Variants in HOPX observed in about 807,000 individuals in gnomAD.
The protein encoded by HOPX is HOP homeobox, also known as homeodomain-only protein.
A neutral mutation model predicts 11.8 loss-of-function variants in HOPX; 5 were observed. The observed-to-expected ratio is 0.43, with a 90% confidence interval of 0.22 to 0.89. The LOEUF (loss-of-function observed/expected upper bound fraction) is 0.89, where lower values mean the gene tolerates loss of function less well. HOPX is among the 40% of genes least tolerant of loss of function. The pLI is 0.28. For missense variants in HOPX, 119 were observed against 120.0 expected (o/e 0.99, Z 0.04); for synonymous variants, 49 against 49.7 (o/e 0.99, Z 0.06).
At chr4:56,655,609 T>C (rs1717617856) in intron 3 of HOPX, among the ~76,000 whole-genome samples, 1 of 151,874 alleles carries the variant, frequency 6.6e-6, no homozygotes, top group African/African-American at 2.4e-5. Flanking sequence ...GAGGGGTTTC[T>C]GCGCAGCTCC....
At chr4:56,656,426 C>A (rs562381025) in intron 2 of HOPX, 82 of 990,624 alleles carry the variant, frequency 8.3e-5, no homozygotes, top group Middle Eastern at 1.0e-3. Context: ...AAAGGGGGAC[C>A]TCCCCTGGGG....
At chr4:56,668,133 C>A (rs893507083) in intron 1 of HOPX, among the ~76,000 whole-genome samples, 1 of 152,186 alleles carries the variant, frequency 6.6e-6, no homozygotes, top group South Asian at 2.1e-4. Context: ...CCATGTTGGC[C>A]AGACTGGTCT....
intron 1 of HOPX, chr4:56,663,607 T>C (rs1260850155): frequency 6.6e-6 from 1 of 152,174 alleles, no homozygotes; most frequent in Non-Finnish European, 1.5e-5. Flanking sequence ...TTCCTCAGAC[T>C]CCTGATTAGT....
At position 56,654,156 on chromosome 4, in the gene HOPX, T is replaced by C. The variant is rs547195222; in HGVS notation, c.198+1701A>G. Among the ~76,000 whole-genome samples, 7 of 152,352 alleles carry C rather than the reference T, an allele frequency of 4.6e-5. No homozygotes were observed. In the East Asian group the frequency reaches 1.2e-3, roughly 25 times the overall value. ...TGCTGTCTTGGGCAAGTATATTTAA[T>C]CTTTCTGTGCCTCAGTTGCCTTATC... On this transcript the variant is annotated intron_variant, in intron 3 of 3. Transcript: ENST00000420433.
chr4:56,652,681 T>C (rs971322998), intron 3 of HOPX, among the ~76,000 whole-genome samples: 9 of 151,998 alleles, frequency 5.9e-5, no homozygotes, highest in African/African-American at 1.9e-4. Flanking sequence ...ATTAGCCAGA[T>C]GTGGTAGTAT....
At chr4:56,674,645 CT>C (rs750836077) in intron 1 of HOPX, among the ~76,000 whole-genome samples, 2 of 151,664 alleles carry the variant, frequency 1.3e-5, no homozygotes, top group African/African-American at 2.4e-5. Context: ...TGTGAAAGGT[CT>C]GGCACTGTTT....
At chr4:56,659,955 T>C (rs759424071) in intron 1 of HOPX, among the ~76,000 whole-genome samples, 9 of 152,222 alleles carry the variant, frequency 5.9e-5, no homozygotes, top group Non-Finnish European at 1.3e-4. Context: ...AAAATGCCTT[T>C]AAAATTATAA....
intron 1 of HOPX, among the ~76,000 whole-genome samples, chr4:56,676,963 TG>T (rs936392710): frequency 1.5e-4 from 21 of 143,142 alleles, no homozygotes; most frequent in African/African-American, 4.0e-4. Context: ...TGGGAGGGGG[TG>T]GGGGGGCTGC....
At chr4:56,669,972 T>G (rs1483864207) in intron 1 of HOPX, among the ~76,000 whole-genome samples, 1 of 152,142 alleles carries the variant, frequency 6.6e-6, no homozygotes, top group Non-Finnish European at 1.5e-5. Context: ...AGCTCTGTGG[T>G]TAAAGGCAAG....
At position 56,648,632 on chromosome 4, in the gene HOPX, T is replaced by C; in HGVS notation, c.*88A>G. 1.1e-6 allele frequency: 1 copy of C among 913,968 alleles called. No individual in the cohort carries two copies. The highest frequency in any genetic ancestry group is 1.7e-6 in the Non-Finnish European group (1 of 574,718). The allele number at this position is 913,968 out of a possible 1,614,324, so 56.6% of individuals were successfully genotyped here. A position where few individuals can be genotyped will look rare whatever the true frequency, so the allele number is the denominator to read the frequency against. ...GCTAGCAATGGAACATACAACACTA[T>C]GCTGAAAAACCACAACAGCTTGGTT... On this transcript the variant is annotated 3_prime_UTR_variant, in exon 4 of 4. Transcript: ENST00000420433.
At chr4:56,654,480 T>C (rs1717489006) in intron 3 of HOPX, among the ~76,000 whole-genome samples, 1 of 152,178 alleles carries the variant, frequency 6.6e-6, no homozygotes, top group Non-Finnish European at 1.5e-5. Flanking sequence ...GGATTTCAAA[T>C]GATAAAATTT....
Position 56,650,648 on chromosome 4 carries a change from G to A in HOPX, c.199-1851C>T, listed in dbSNP as rs1037071225. On this transcript the variant is annotated intron_variant, in intron 3 of 3. Coordinates refer to ENST00000420433, the MANE Select transcript of HOPX (RefSeq NM_032495.6). ...ACCTGTACAGCAGAGTTTACACACT[G>A]AAATCCTTTACACAGTTGTCAAGAT... is the stretch of plus-strand genomic sequence containing the variant. The A allele has an allele frequency of 1.0e-5, 16 of 1,550,406 alleles. No individual in the cohort carries two copies. In the African/African-American group the frequency reaches 1.6e-4, roughly 16 times the overall value.
At chr4:56,665,262 T>C (rs2109519747) in intron 1 of HOPX, 2 of 152,310 alleles carry the variant, frequency 1.3e-5, no homozygotes, top group Middle Eastern at 3.4e-3. Flanking sequence ...CTGGCTGAAA[T>C]TGTTTTGAAA....
chr4:56,670,555 T>C (rs143072237), intron 1 of HOPX, among the ~76,000 whole-genome samples: 1 of 152,240 alleles, frequency 6.6e-6, no homozygotes, highest in African/African-American at 2.4e-5. Context: ...AATTTTTGAT[T>C]GCCCATTTAA....
At chr4:56,659,516 G>C (rs886768141) in intron 1 of HOPX, 13 of 152,118 alleles carry the variant, frequency 8.5e-5, no homozygotes, top group African/African-American at 3.1e-4. Flanking sequence ...GTATTCATCT[G>C]CCTCTCCAGG....
intron 3 of HOPX, among the ~76,000 whole-genome samples, chr4:56,655,447 A>G (rs2109475685): frequency 6.6e-6 from 1 of 152,354 alleles, no homozygotes; most frequent in South Asian, 2.1e-4. Context: ...CGCCTAGAAT[A>G]GATCTTCCCG....
At chr4:56,673,894 G>A (rs13139090) in intron 1 of HOPX, among the ~76,000 whole-genome samples, 7,274 of 151,400 alleles carry the variant, frequency 0.048, 494 homozygotes, top group African/African-American at 0.11. Flanking sequence ...TAGTAGAGAC[G>A]GGGTTTCACC....
intron 2 of HOPX, among the ~76,000 whole-genome samples, chr4:56,657,410 T>C (rs1360056955): frequency 6.6e-6 from 1 of 152,322 alleles, no homozygotes; most frequent in East Asian, 1.9e-4. Context: ...TGAGCCACAC[T>C]TCACTGATGT....
At chr4:56,664,660 G>A (rs1429091738) in intron 1 of HOPX, 1 of 152,080 alleles carries the variant, frequency 6.6e-6, no homozygotes, top group African/African-American at 2.4e-5. Flanking sequence ...TCTCAAGAAT[G>A]GCATGGCAGG....
Sources: allele counts gnomAD v4.1 joint callset (sites outside exome capture counted in the v4.1 genomes callset), GRCh38; gene constraint gnomAD v4.1.1; transcripts MANE v1.5; gene names NCBI Gene and HGNC (gene_info 2026-07-23, HGNC 2026-07-21).